The following PDE8A variants were observed in gnomAD, a reference collection of about 807,000 sequenced individuals.
The protein encoded by PDE8A is high affinity cAMP-specific and IBMX-insensitive 3',5'-cyclic phosphodiesterase 8A.
A neutral mutation model predicts 105.0 loss-of-function variants in PDE8A; 59 were observed. The ratio of observed to expected loss-of-function variants is 0.56; its 90% CI spans 0.46 to 0.70. The LOEUF (loss-of-function observed/expected upper bound fraction) is 0.70, where lower values mean the gene tolerates loss of function less well. Among genes scored for constraint, PDE8A ranks in the 30% least tolerant of loss-of-function variants. PDE8A has a pLI of 0.00. For missense variants in PDE8A, 1,014 were observed against 1,045.9 expected (o/e 0.97, Z 0.42); for synonymous variants, 355 against 371.9 (o/e 0.95, Z 0.52).
At chr15:85,120,117 A>G (rs961266257) in intron 17 of PDE8A, 3 of 147,938 alleles carry the variant, frequency 2.0e-5, no homozygotes, top group Non-Finnish European at 4.5e-5. Context: ...TTTTAAATTA[A>G]ATTGATGTAA....
At chr15:85,120,266 G>T (rs1439248104) in intron 17 of PDE8A, 4 of 151,982 alleles carry the variant, frequency 2.6e-5, no homozygotes, top group African/African-American at 9.7e-5. Context: ...GCCCTTTAAG[G>T]AATTTTTCCA....
At position 85,104,851 on chromosome 15, in the gene PDE8A, A is replaced by G. The variant is rs996154973; in HGVS notation, c.1037-4202A>G. 4.6e-5 allele frequency among the ~76,000 whole-genome samples: 7 copies of G among 152,252 alleles called. 1 individual carries two copies. The South Asian group carries it at 1.5e-3, about 32-fold the overall frequency. On this transcript the variant is annotated intron_variant, in intron 11 of 21. Transcript: ENST00000394553. The stretch of plus-strand genomic sequence containing the variant: ...GTACCAAGAAAGGAGTCCAGCAATA[A>G]TAGACGTGAATAATGGCCAGGGGAG...
intron 1 of PDE8A, among the ~76,000 whole-genome samples, chr15:85,040,363 T>G (rs1596465811): frequency 8.3e-6 from 1 of 120,108 alleles, no homozygotes; most frequent in Non-Finnish European, 1.7e-5. Context: ...AGCCAAGACC[T>G]CTTCTCTAAA....
intron 1 of PDE8A, among the ~76,000 whole-genome samples, chr15:85,054,466 G>A (rs1461053552): frequency 6.6e-6 from 1 of 152,052 alleles, no homozygotes; most frequent in African/African-American, 2.4e-5. Context: ...TTTTTGGTTG[G>A]TAGGCTATTA....
chr15:85,031,888 G>T (rs2141374786), intron 1 of PDE8A, among the ~76,000 whole-genome samples: 1 of 152,282 alleles, frequency 6.6e-6, no homozygotes, highest in Middle Eastern at 3.4e-3. Flanking sequence ...GCCCAGTTTT[G>T]TAAGGGGTAT....
In PDE8A at chr15:85,138,900, A is replaced by G. The variant is rs2082458091; in HGVS notation, c.*997A>G. 1 of 152,252 alleles carries G rather than the reference A, an allele frequency of 6.6e-6. No individual in the cohort carries two copies. Among genetic ancestry groups the G allele is most frequent in the Non-Finnish European group, 1.5e-5 (1 of 68,040 alleles). The allele number at this position is 152,252 out of a possible 1,614,324, so 9.4% of individuals were successfully genotyped here. ...TTTCTACAAAATATTCCTTATAAAA[A>G]CAAAGAACAAAAATTGAATATTTAA... is the stretch of plus-strand genomic sequence containing the variant. On this transcript the variant is annotated 3_prime_UTR_variant, in exon 22 of 22. Transcript: ENST00000394553.
At chr15:85,081,167 AATG>A (rs1450388050) in intron 5 of PDE8A, among the ~76,000 whole-genome samples, 1 of 152,180 alleles carries the variant, frequency 6.6e-6, no homozygotes, top group African/African-American at 2.4e-5. Flanking sequence ...CTAACACCAT[AATG>A]ATATCTCTGG....
intron 11 of PDE8A, among the ~76,000 whole-genome samples, chr15:85,103,610 G>A (rs1000228806): frequency 2.6e-5 from 4 of 152,188 alleles, no homozygotes; most frequent in Admixed American, 2.0e-4. Flanking sequence ...GAAGGAAATA[G>A]GGTTGCTTAT....
At chr15:85,011,723 G>A (rs167036) in intron 1 of PDE8A, among the ~76,000 whole-genome samples, 113,006 of 151,710 alleles carry the variant, frequency 0.74, 42,175 homozygotes, top group Non-Finnish European at 0.77. Context: ...AAGAGCTTCT[G>A]CACAGCAAAA....
intron 11 of PDE8A, among the ~76,000 whole-genome samples, chr15:85,103,622 G>T (rs1032674632): frequency 3.7e-4 from 56 of 152,358 alleles, no homozygotes; most frequent in African/African-American, 1.3e-3. Flanking sequence ...GTTGCTTATA[G>T]ATTGGACAAC....
intron 1 of PDE8A, among the ~76,000 whole-genome samples, chr15:85,023,793 G>GA (rs1429532502): frequency 1.3e-5 from 2 of 152,098 alleles, no homozygotes; most frequent in Non-Finnish European, 2.9e-5. Flanking sequence ...TTGATGGGAG[G>GA]ACATTGGTGG....
intron 8 of PDE8A, among the ~76,000 whole-genome samples, chr15:85,093,249 TCA>T (rs1229618543): frequency 6.6e-6 from 1 of 152,246 alleles, no homozygotes; most frequent in Non-Finnish European, 1.5e-5. Flanking sequence ...GTTTCGTTTT[TCA>T]CAGTTTTTGG....
In PDE8A at chr15:85,025,822, A is replaced by G. The variant is rs983660260; in HGVS notation, c.187-38548A>G. 2.0e-5 allele frequency among the ~76,000 whole-genome samples: 3 copies of G among 152,078 alleles called. No individual in the cohort carries two copies. The South Asian group carries it at 6.2e-4, about 32-fold the overall frequency. ...CTTAGGAAGCCAGGAACACCTTGAG[A>G]CTCGGGCCAGAACAATGTGGCCCAC... On this transcript the variant is annotated intron_variant, in intron 1 of 21. Transcript: ENST00000394553.
Position 85,137,964 on chromosome 15 carries a change from G to T in PDE8A, c.*61G>T, listed in dbSNP as rs536310710. On this transcript the variant is annotated 3_prime_UTR_variant, in exon 22 of 22. Transcript: ENST00000394553. ...CTTCGGTCATTTGGAATTCCTGAGG[G>T]CAGCCAGAGCTCCTTGGTCCTTTCA... is the stretch of plus-strand genomic sequence containing the variant. 4.0e-4 allele frequency: 408 copies of T among 1,022,264 alleles called. 4 individuals carry two copies. In the East Asian group the frequency reaches 9.8e-3, roughly 24 times the overall value. 63.3% of individuals were successfully genotyped at this position (1,022,264 alleles called of 1,614,324 possible).
chr15:85,099,097 G>A (rs1406560698), intron 9 of PDE8A, among the ~76,000 whole-genome samples: 2 of 152,248 alleles, frequency 1.3e-5, no homozygotes, highest in African/African-American at 4.8e-5. Context: ...AAGTATGGCA[G>A]TGGCCGTTGT....
At chr15:85,089,787 C>G (rs1319262056) in intron 7 of PDE8A, among the ~76,000 whole-genome samples, 2 of 152,192 alleles carry the variant, frequency 1.3e-5, no homozygotes, top group Non-Finnish European at 2.9e-5. Context: ...ACAAGTCTTT[C>G]ACCTTTCTCA....
chr15:85,040,160 A>G (rs2080777620), intron 1 of PDE8A, among the ~76,000 whole-genome samples: 1 of 152,110 alleles, frequency 6.6e-6, no homozygotes, highest in Non-Finnish European at 1.5e-5. Flanking sequence ...AAAGAAAAAG[A>G]AGCTGAGTGT....
Position 85,034,600 on chromosome 15 carries a change from T to TA in PDE8A, c.187-29768dup, listed in dbSNP as rs550633481. Among the ~76,000 whole-genome samples, 389 of 152,342 alleles carry TA rather than the reference T, an allele frequency of 2.6e-3. 3 individuals are homozygous for TA. Among genetic ancestry groups the TA allele is most frequent in the Non-Finnish European group, 3.2e-3 (221 of 68,014 alleles). ...GTACCATGTAAAGCTGACAATGAAC[T>TA]AATAGAGGTATAGGGTCTATTTACA... On this transcript the variant is annotated intron_variant, in intron 1 of 21. Transcript: ENST00000394553.
chr15:85,076,017 C>T (rs11631548), intron 4 of PDE8A, 99 bp downstream of exon 4: 158,068 of 665,238 alleles, frequency 0.24, 22,287 homozygotes, highest in Middle Eastern at 0.36. Flanking sequence ...GTCAGGCATG[C>T]CCCTTTGTAG....
Sources: allele counts gnomAD v4.1 joint callset (sites outside exome capture counted in the v4.1 genomes callset), GRCh38; gene constraint gnomAD v4.1.1; transcripts MANE v1.5; gene names NCBI Gene and HGNC (gene_info 2026-07-23, HGNC 2026-07-21).